Variants in HS3ST3A1 observed in about 807,000 individuals in gnomAD.
The protein encoded by HS3ST3A1 is heparan sulfate-glucosamine 3-sulfotransferase 3A1.
HS3ST3A1 carries 19 observed loss-of-function variants against 25.7 expected under a neutral mutation model. That is an observed-to-expected ratio of 0.74 (90% confidence interval 0.52 to 1.08). HS3ST3A1 has a LOEUF of 1.08. Ranked by LOEUF, HS3ST3A1 falls within the 50% of genes least tolerant of loss-of-function variation. The pLI is 0.00. For missense variants in HS3ST3A1, 459 were observed against 594.3 expected, an observed-to-expected ratio of 0.77 and a Z score of 2.37; for synonymous variants, 226 against 278.6, an observed-to-expected ratio of 0.81 and a Z score of 1.88.
At chr17:13,579,690 G>C (rs1358271358) in intron 1 of HS3ST3A1, among the ~76,000 whole-genome samples, 1 of 102,988 alleles carries the variant, frequency 9.7e-6, no homozygotes, top group Non-Finnish European at 1.8e-5. Flanking sequence ...GACAGAGCCA[G>C]ACTCCATCTC....
rs1275916668 is a variant in HS3ST3A1, at chr17:13,584,118, TA to T, written c.599+16412del. Among the ~76,000 whole-genome samples, 9 of 152,340 alleles carry T rather than the reference TA, an allele frequency of 5.9e-5. No homozygotes were observed. In the South Asian group the frequency reaches 1.9e-3, roughly 32 times the overall value. ...AGAATAGCCAATGGTTAAAACTTTT[TA>T]AAAGCCTTCAATGTTAATGAGGAAA... On this transcript the variant is annotated intron_variant, in intron 1 of 1. Transcript: ENST00000284110.
rs1908715175 is a variant in HS3ST3A1, at chr17:13,600,935, G to A, written c.195C>T (p.Ala65=). The A allele has an allele frequency of 7.2e-6, 11 of 1,532,480 alleles. No homozygotes were observed. Among genetic ancestry groups the A allele is most frequent in the Admixed American group, 4.1e-5 (2 of 49,296 alleles). 94.9% of individuals were successfully genotyped at this position (1,532,480 alleles called of 1,614,324 possible). The change falls in exon 1 of 2, where the codon GCC becomes GCT. Residue 65 remains alanine, a synonymous_variant. Coordinates refer to ENST00000284110, the MANE Select transcript of HS3ST3A1 (RefSeq NM_006042.3). ...CTCCGGCCAGGACGCCGCCACCAGGGGCCCCCGCCTCCTCGCCGCCGCCGG... is the reference window on the plus strand; with the variant it reads ...CTCCGGCCAGGACGCCGCCACCAGGAGCCCCCGCCTCCTCGCCGCCGCCGG... ...GLSGGGEEAG[A]PGGGVLAGGP... is the part of the protein sequence containing the mutation.
At chr17:13,516,867 T>C (rs1293179206) in intron 1 of HS3ST3A1, among the ~76,000 whole-genome samples, 1 of 152,058 alleles carries the variant, frequency 6.6e-6, no homozygotes, top group East Asian at 1.9e-4. Context: ...TTTATATTTT[T>C]AGTAGAGACA....
chr17:13,537,042 T>A (rs953082093), intron 1 of HS3ST3A1, among the ~76,000 whole-genome samples: 2 of 152,174 alleles, frequency 1.3e-5, no homozygotes, highest in Non-Finnish European at 2.9e-5. Context: ...ATAGCTCACA[T>A]ACGCAGACTT....
At chr17:13,587,375 A>C (rs1014411444) in intron 1 of HS3ST3A1, among the ~76,000 whole-genome samples, 1 of 152,176 alleles carries the variant, frequency 6.6e-6, no homozygotes, top group Non-Finnish European at 1.5e-5. Context: ...AATCGCTTGA[A>C]CCCAAGAGGC....
chr17:13,535,437 A>T lies in HS3ST3A1; in HGVS notation c.600-38619T>A, dbSNP rs77193904. ...AATACATGCAAGAAAGCCAGGTTAC[A>T]GTATGAGAGCTAAAACAAGAAGGGA... On this transcript the variant is annotated intron_variant, in intron 1 of 1. Transcript: ENST00000284110. 3.5e-3 allele frequency among the ~76,000 whole-genome samples: 530 copies of T among 152,354 alleles called. 4 individuals carry two copies. The highest frequency in any genetic ancestry group is 0.012 in the African/African-American group (505 of 41,580).
chr17:13,533,205 T>A (rs7210084), intron 1 of HS3ST3A1, among the ~76,000 whole-genome samples: 67,252 of 151,914 alleles, frequency 0.44, 16,568 homozygotes, highest in African/African-American at 0.67. Context: ...TCACATTTGC[T>A]TACCAACCTT....
chr17:13,601,633 C>T lies in HS3ST3A1; in HGVS notation c.-504G>A, dbSNP rs954202821. 2 of 153,826 alleles carry T rather than the reference C, an allele frequency of 1.3e-5. No individual in the cohort carries two copies. The highest frequency in any genetic ancestry group is 2.9e-5 in the Non-Finnish European group (2 of 69,298). The allele number at this position is 153,826 out of a possible 1,614,324, so 9.5% of individuals were successfully genotyped here. ...TCCAGACAGTGGCGAGCGACAGTGA[C>T]TTCCAGCCCCGGCTTTCTCTGGTCC... On this transcript the variant is annotated 5_prime_UTR_variant, in exon 1 of 2. Coordinates refer to ENST00000284110, the MANE Select transcript of HS3ST3A1 (RefSeq NM_006042.3).
chr17:13,554,662 C>A (rs563983518), intron 1 of HS3ST3A1, among the ~76,000 whole-genome samples: 2 of 152,202 alleles, frequency 1.3e-5, no homozygotes, highest in South Asian at 4.2e-4. Context: ...CAATCTAGTT[C>A]GAAGCATGCT....
chr17:13,529,520 C>T (rs1906537023), intron 1 of HS3ST3A1, among the ~76,000 whole-genome samples: 1 of 152,106 alleles, frequency 6.6e-6, no homozygotes, highest in Admixed American at 6.6e-5. Context: ...CATTAAAATG[C>T]TTTCCACTGT....
At chr17:13,555,675 T>C (rs577361201) in intron 1 of HS3ST3A1, among the ~76,000 whole-genome samples, 1 of 152,158 alleles carries the variant, frequency 6.6e-6, no homozygotes. Flanking sequence ...TGCACAAATA[T>C]GTCATTTTTT....
At chr17:13,559,764 G>A (rs188678225) in intron 1 of HS3ST3A1, among the ~76,000 whole-genome samples, 3 of 151,960 alleles carry the variant, frequency 2.0e-5, no homozygotes, top group Admixed American at 2.0e-4. Context: ...TGGAAGCACA[G>A]GCTATCCCTA....
At chr17:13,503,532 C>CTG (rs768294289) in intron 1 of HS3ST3A1, among the ~76,000 whole-genome samples, 1 of 152,158 alleles carries the variant, frequency 6.6e-6, no homozygotes, top group Non-Finnish European at 1.5e-5. Context: ...AAATATCACT[C>CTG]TGTGTCCCGT....
At chr17:13,499,628 G>A (rs530169730) in intron 1 of HS3ST3A1, among the ~76,000 whole-genome samples, 1 of 152,212 alleles carries the variant, frequency 6.6e-6, no homozygotes, top group South Asian at 2.1e-4. Flanking sequence ...GGGTGGGGAA[G>A]AGCTGTAGGA....
At chr17:13,574,514 C>T (rs917997336) in intron 1 of HS3ST3A1, among the ~76,000 whole-genome samples, 15 of 151,616 alleles carry the variant, frequency 9.9e-5, no homozygotes, top group African/African-American at 2.7e-4. Context: ...GTCAGGAGAT[C>T]GAGACCATCC....
chr17:13,546,624 A>G (rs1250903234), intron 1 of HS3ST3A1, among the ~76,000 whole-genome samples: 1 of 152,142 alleles, frequency 6.6e-6, no homozygotes, highest in Non-Finnish European at 1.5e-5. Flanking sequence ...TGATTTCCCT[A>G]TGGAAATGGC....
intron 1 of HS3ST3A1, among the ~76,000 whole-genome samples, chr17:13,593,050 C>A (rs182786078): frequency 2.6e-4 from 39 of 152,228 alleles, no homozygotes; most frequent in African/African-American, 8.9e-4. Flanking sequence ...AGTTTCATAA[C>A]CCAAAGTGTC....
rs1284653360 is a variant in HS3ST3A1, at chr17:13,495,983, T to A, written c.*214A>T. ...TAAAATAAAAACTGAAAATTGAAAG[T>A]GTTTAGACGAGTGAAATTTTCCTTT... On this transcript the variant is annotated 3_prime_UTR_variant, in exon 2 of 2. Coordinates refer to ENST00000284110, the MANE Select transcript of HS3ST3A1 (RefSeq NM_006042.3). 2 of 513,156 alleles carry A rather than the reference T, an allele frequency of 3.9e-6. No individual in the cohort carries two copies. Among genetic ancestry groups the A allele is most frequent in the Non-Finnish European group, 3.3e-6 (1 of 305,346 alleles). 31.8% of individuals were successfully genotyped at this position (513,156 alleles called of 1,614,324 possible). A position where few individuals can be genotyped will look rare whatever the true frequency, so the allele number is the denominator to read the frequency against.
chr17:13,562,922 A>G (rs1046501040), intron 1 of HS3ST3A1, among the ~76,000 whole-genome samples: 2 of 152,006 alleles, frequency 1.3e-5, no homozygotes, highest in African/African-American at 4.8e-5. Flanking sequence ...TTCTTTTACA[A>G]GGGGATTGTG....
Sources: gnomAD v4.1 joint callset for allele counts (sites outside exome capture counted in the v4.1 genomes callset) on GRCh38, gnomAD v4.1.1 for gene constraint, MANE v1.5 for transcripts, NCBI Gene and HGNC (gene_info 2026-07-23, HGNC 2026-07-21) for gene names.